The following FNDC3A variants were observed in gnomAD, a reference collection of about 807,000 sequenced individuals.
The protein encoded by FNDC3A is fibronectin type-III domain-containing protein 3A.
A neutral mutation model predicts 148.9 loss-of-function variants in FNDC3A; 32 were observed. The observed-to-expected ratio is 0.21, with a 90% confidence interval of 0.16 to 0.29. FNDC3A has a LOEUF of 0.29. Among genes scored for constraint, FNDC3A ranks in the 10% least tolerant of loss-of-function variants. The probability of loss-of-function intolerance (pLI) is 1.00; values close to 1 mark genes in which losing one functional copy is unlikely to be tolerated. For synonymous variants in FNDC3A, 472 were observed against 473.6 expected (o/e 1.00, Z 0.04); for missense variants, 1,191 against 1,452.8 (o/e 0.82, Z 2.93).
chr13:49,016,081 C>G (rs1411302714), intron 2 of FNDC3A, among the ~76,000 whole-genome samples: 211 of 152,342 alleles, frequency 1.4e-3, no homozygotes, highest in African/African-American at 4.9e-3. Flanking sequence ...TGTTGTGTCT[C>G]TGCCTGGCTT....
chr13:48,990,588 CAA>C (rs58007137), intron 1 of FNDC3A, among the ~76,000 whole-genome samples: 4 of 58,116 alleles, frequency 6.9e-5, no homozygotes, highest in African/African-American at 1.5e-4. Flanking sequence ...CCTGTCTCTC[CAA>C]AAAAAAAAAA....
At chr13:49,095,264 C>G (rs1015707176) in intron 3 of FNDC3A, 1 of 151,826 alleles carries the variant, frequency 6.6e-6, no homozygotes, top group African/African-American at 2.4e-5. Context: ...TGAAGGTTAT[C>G]AACACATCAT....
At chr13:48,988,681 A>ATGTT (rs1951849966) in intron 1 of FNDC3A, among the ~76,000 whole-genome samples, 2 of 151,852 alleles carry the variant, frequency 1.3e-5, no homozygotes, top group Non-Finnish European at 1.5e-5. Context: ...GTTTTTACTA[A>ATGTT]ATAATAAGTA....
In FNDC3A at chr13:49,136,387, A is replaced by T. The variant is rs752339500; in HGVS notation, c.546A>T (p.Thr182=). The part of the protein sequence containing the change: ...SNFRDERSSK[T]YERLQKKLKD... ...TTAGAGATGAACGATCTAGTAAAAC[A>T]TATGAACGTTTGCAGAAAAAATTGA... Residue 182 remains threonine (T), a synonymous_variant, in exon 6 of 26, where the codon ACA becomes ACT. Coordinates refer to ENST00000492622, the MANE Select transcript of FNDC3A (RefSeq NM_001079673.2). The T allele has an allele frequency of 6.2e-7, 1 of 1,614,156 alleles. No individual in the cohort carries two copies. The highest frequency in any genetic ancestry group is 1.1e-5 in the South Asian group (1 of 91,082).
intron 1 of FNDC3A, among the ~76,000 whole-genome samples, chr13:49,000,474 T>A (rs1057381060): frequency 1.3e-5 from 2 of 152,224 alleles, no homozygotes; most frequent in Non-Finnish European, 2.9e-5. Context: ...CTGTTTTGAT[T>A]CCTGTGGCTT....
chr13:49,148,314 A>G lies in FNDC3A; in HGVS notation c.977+2379A>G, dbSNP rs1243664850. On this transcript the variant is annotated intron_variant, in intron 8 of 25. Transcript: ENST00000492622. The stretch of plus-strand genomic sequence containing the variant: ...ACCAGTGTCCTGAAGTGTTTCTTCT[A>G]TATTTTCTTCCAGGATTTCATAGTT... Among the ~76,000 whole-genome samples the G allele has an allele frequency of 6.6e-5, 10 of 152,212 alleles. No homozygotes were observed. The South Asian group carries it at 8.3e-4, about 13-fold the overall frequency.
chr13:49,016,257 A>G (rs1872769626), intron 2 of FNDC3A, among the ~76,000 whole-genome samples: 1 of 152,080 alleles, frequency 6.6e-6, no homozygotes, highest in South Asian at 2.1e-4. Context: ...TTGGTAAGCT[A>G]TTGATTATTG....
At chr13:49,077,529 G>A (rs1168146150) in intron 3 of FNDC3A, among the ~76,000 whole-genome samples, 1 of 152,184 alleles carries the variant, frequency 6.6e-6, no homozygotes, top group African/African-American at 2.4e-5. Context: ...AAAACTTTTA[G>A]CCTGACATTT....
chr13:49,039,564 C>A (rs566181366), intron 2 of FNDC3A, among the ~76,000 whole-genome samples: 1 of 152,180 alleles, frequency 6.6e-6, no homozygotes, highest in South Asian at 2.1e-4. Flanking sequence ...GCCATCGTAT[C>A]TTTTTTATCG....
chr13:49,131,363 A>T lies in FNDC3A; in HGVS notation c.479A>T (p.Tyr160Phe). The change falls in exon 5 of 26, where the codon TAT (tyrosine) becomes TTT (phenylalanine). Residue 160 changes from tyrosine to phenylalanine, a missense_variant. This residue lies in a region of FNDC3A where 426 missense variants were observed against 473.2 expected (regional missense o/e 0.90). Coordinates refer to ENST00000492622, the MANE Select transcript of FNDC3A (RefSeq NM_001079673.2). ...CCACAGTATCAGTCTTCACAAGTCT[A>T]TGGAGATGTAGGTAAGACATCTAAA... is the stretch of plus-strand genomic sequence containing the variant. ...YMPQYQSSQVYGDVDAHSTHG... is the reference protein window; with the variant it reads ...YMPQYQSSQVFGDVDAHSTHG... 1 of 1,608,508 alleles carries T rather than the reference A, an allele frequency of 6.2e-7. No homozygotes were observed. The highest frequency in any genetic ancestry group is 8.5e-7 in the Non-Finnish European group (1 of 1,174,886).
chr13:48,986,385 GTTTTTT>G (rs869031197), intron 1 of FNDC3A, among the ~76,000 whole-genome samples: 4 of 54,410 alleles, frequency 7.4e-5, no homozygotes, highest in Admixed American at 6.4e-4. Context: ...GAAGGAAGTT[GTTTTTT>G]TTTTTTTTTT....
At chr13:48,994,208 TA>T (rs956092853) in intron 1 of FNDC3A, among the ~76,000 whole-genome samples, 2 of 151,958 alleles carry the variant, frequency 1.3e-5, no homozygotes, top group African/African-American at 4.8e-5. Context: ...TCTTCAGAAA[TA>T]AAAAAAATTA....
rs1880819603 is a variant in FNDC3A at position 49,114,709 on chromosome 13, T to C, written c.230T>C (p.Val77Ala). The C allele has an allele frequency of 1.2e-6, 2 of 1,612,020 alleles. No individual in the cohort carries two copies. Among genetic ancestry groups the C allele is most frequent in the South Asian group, 2.2e-5 (2 of 91,044 alleles). The change falls in exon 4 of 26, where the codon GTG becomes GCG. Residue 77 changes from valine (V) to alanine (A), a missense_variant. Transcript: ENST00000492622. ...AATGGTTCTGTGCCTCCTATCTATGTGCCTCCTGGATATGCCCCACAGGTA... is the reference window on the plus strand; with the variant it reads ...AATGGTTCTGTGCCTCCTATCTATGCGCCTCCTGGATATGCCCCACAGGTA... ...SPNGSVPPIY[V>A]PPGYAPQVIE...
chr13:49,030,036 A>G (rs1014685325), intron 2 of FNDC3A, among the ~76,000 whole-genome samples: 2 of 152,202 alleles, frequency 1.3e-5, no homozygotes, highest in Non-Finnish European at 2.9e-5. Context: ...CCAAATGTTT[A>G]AGGGAGAATT....
intron 2 of FNDC3A, among the ~76,000 whole-genome samples, chr13:49,033,613 G>C (rs1419137030): frequency 6.6e-6 from 1 of 151,938 alleles, no homozygotes; most frequent in East Asian, 1.9e-4. Flanking sequence ...GCAGCTGTTG[G>C]TACCTGTGGA....
chr13:49,083,789 A>T (rs1180288529), intron 3 of FNDC3A, among the ~76,000 whole-genome samples: 1 of 152,204 alleles, frequency 6.6e-6, no homozygotes, highest in East Asian at 1.9e-4. Flanking sequence ...GTTTGTTATA[A>T]CAGTGTCCCA....
chr13:49,045,889 G>T, intron 2 of FNDC3A: 1 of 252,560 alleles, frequency 4.0e-6, no homozygotes. Flanking sequence ...ATCCTTGACA[G>T]AGCAATTCTA....
intron 9 of FNDC3A, among the ~76,000 whole-genome samples, chr13:49,167,964 G>A (rs1003178627): frequency 1.3e-5 from 2 of 152,006 alleles, no homozygotes; most frequent in Non-Finnish European, 2.9e-5. Flanking sequence ...TCCTGTTTTA[G>A]GGTTCGGGAT....
intron 4 of FNDC3A, among the ~76,000 whole-genome samples, chr13:49,114,941 G>T (rs953934011): frequency 6.6e-6 from 1 of 152,018 alleles, no homozygotes; most frequent in African/African-American, 2.4e-5. Context: ...CCTTGTCTTT[G>T]GGTGTTAAGT....
Sources: gnomAD v4.1 joint callset for allele counts (sites outside exome capture counted in the v4.1 genomes callset) on GRCh38, gnomAD v4.1.1 for gene constraint, gnomAD v4.1.1 regional missense constraint, MANE v1.5 for transcripts, NCBI Gene and HGNC (gene_info 2026-07-23, HGNC 2026-07-21) for gene names.